The following COL4A6 variants were observed in gnomAD, a reference collection of about 807,000 sequenced individuals.
COL4A6 encodes the protein collagen type IV alpha 6 chain, also known as collagen alpha-6(IV) chain.
A neutral mutation model predicts 126.7 loss-of-function variants in COL4A6; 59 were observed. The ratio of observed to expected loss-of-function variants is 0.47; its 90% CI spans 0.38 to 0.58. COL4A6 has a LOEUF of 0.58. Ranked by LOEUF, COL4A6 falls within the 20% of genes least tolerant of loss-of-function variation. COL4A6 has a pLI of 0.00. For missense variants in COL4A6, 1,285 were observed against 1,337.3 expected, an observed-to-expected ratio of 0.96 and a Z score of 0.61; for synonymous variants, 547 against 496.6, an observed-to-expected ratio of 1.10 and a Z score of -1.35.
At chrX:108,264,957 C>A (rs2037261123) in intron 3 of COL4A6, among the ~76,000 whole-genome samples, 2 of 112,018 alleles carry the variant, frequency 1.8e-5, no homozygotes, top group Non-Finnish European at 3.8e-5. Flanking sequence ...CTGTGTGACA[C>A]TGAGCAAATT....
At chrX:108,332,120 C>T (rs989959117) in intron 2 of COL4A6, among the ~76,000 whole-genome samples, 1 of 111,412 alleles carries the variant, frequency 9.0e-6, no homozygotes, top group Non-Finnish European at 1.9e-5. Context: ...CTTTCTATTT[C>T]TTAGTCATTT....
chrX:108,390,941 G>C (rs1271678603), intron 2 of COL4A6, among the ~76,000 whole-genome samples: 2 of 111,373 alleles, frequency 1.8e-5, no homozygotes, highest in Admixed American at 9.6e-5. Context: ...ATTCCTTTCT[G>C]TTTGTTAGTT....
intron 3 of COL4A6, among the ~76,000 whole-genome samples, chrX:108,222,979 C>G (rs181830830): frequency 1.8e-5 from 2 of 111,816 alleles, no homozygotes; most frequent in Admixed American, 1.9e-4. Context: ...AGGTCGAAAG[C>G]ATGGGCCTAC....
chrX:108,438,761 GC>G (rs2064322381), upstream of COL4A6, among the ~76,000 whole-genome samples: 1 of 112,789 alleles, frequency 8.9e-6, no homozygotes, highest in Admixed American at 9.3e-5. Flanking sequence ...AGTACACTAG[GC>G]TATTGGGAAG....
chrX:108,375,767 A>G (rs1227953176), intron 2 of COL4A6, among the ~76,000 whole-genome samples: 2 of 109,734 alleles, frequency 1.8e-5, no homozygotes, highest in Non-Finnish European at 3.8e-5. Context: ...CGTTTTGATA[A>G]ACACAAAGTC....
At chrX:108,179,196 A>T in intron 26 of COL4A6, 21 bp downstream of exon 26, 1 of 1,180,910 alleles carries the variant, frequency 8.5e-7, no homozygotes, top group Non-Finnish European at 1.1e-6. Context: ...ATTGTTAAAT[A>T]ATTGGGGCAA....
chrX:108,268,584 C>T lies in COL4A6; in HGVS notation c.144+42164G>A, dbSNP rs889445593. On this transcript the variant is annotated intron_variant, in intron 3 of 44. Coordinates refer to ENST00000334504, the MANE Select transcript of COL4A6 (RefSeq NM_033641.4). ...GGCAAAACAGTCATGAGTCATAGCACGTGGTGTCACACTGCCAGCTGCCTC... is the reference window on the plus strand; with the variant it reads ...GGCAAAACAGTCATGAGTCATAGCATGTGGTGTCACACTGCCAGCTGCCTC... 8.7e-5 allele frequency: 10 copies of T among 114,871 alleles called. No individual in the cohort carries two copies. The Admixed American group carries it at 9.1e-4, about 10-fold the overall frequency. 9.5% of individuals were successfully genotyped at this position (114,871 alleles called of 1,213,427 possible). A position where few individuals can be genotyped will look rare whatever the true frequency, so the allele number is the denominator to read the frequency against.
chrX:108,387,438 T>G (rs966762942), intron 2 of COL4A6, among the ~76,000 whole-genome samples: 3 of 111,546 alleles, frequency 2.7e-5, no homozygotes, highest in Admixed American at 9.5e-5. Context: ...CATATCCCTT[T>G]TAAGTTGGAT....
chrX:108,277,400 C>T (rs1333157939), intron 3 of COL4A6, among the ~76,000 whole-genome samples: 1 of 112,310 alleles, frequency 8.9e-6, no homozygotes, highest in African/African-American at 3.2e-5. Flanking sequence ...GCAGAGCAGT[C>T]TGTGATCAAA....
intron 2 of COL4A6, among the ~76,000 whole-genome samples, chrX:108,368,653 CACTT>C (rs1453694572): frequency 3.6e-5 from 4 of 111,856 alleles, no homozygotes; most frequent in African/African-American, 1.3e-4. Flanking sequence ...TTTATAGTAA[CACTT>C]AGCTTAAAAC....
intron 5 of COL4A6, among the ~76,000 whole-genome samples, chrX:108,217,526 G>T (rs1009126731): frequency 9.0e-6 from 1 of 110,900 alleles, no homozygotes; most frequent in African/African-American, 3.3e-5. Flanking sequence ...CTTCTGAGAG[G>T]AACGGAAGAT....
rs138912003 is a variant in COL4A6 at position 108,187,716 on chromosome X, C to T, written c.1767+132G>A. 2.2e-3 allele frequency: 1,250 copies of T among 578,122 alleles called. 16 individuals are homozygous for T. The East Asian group carries it at 0.037, about 17-fold the overall frequency. 47.6% of individuals were successfully genotyped at this position (578,122 alleles called of 1,213,427 possible). A position where few individuals can be genotyped will look rare whatever the true frequency, so the allele number is the denominator to read the frequency against. On this transcript the variant is annotated intron_variant, in intron 22 of 44. Transcript: ENST00000334504. The stretch of plus-strand genomic sequence containing the variant: ...AGGAAAAGCAAAAAGCAAAAAGTTT[C>T]AGTGGCAGAGGCAGGGCAAGGTCCT...
chrX:108,402,928 G>A (rs58939867), intron 2 of COL4A6, among the ~76,000 whole-genome samples: 6,953 of 110,706 alleles, frequency 0.063, 513 homozygotes, highest in African/African-American at 0.2. Context: ...TGGATATAGT[G>A]TTCTATAAAC....
chrX:108,319,018 T>C (rs1199352040), intron 2 of COL4A6, among the ~76,000 whole-genome samples: 1 of 112,552 alleles, frequency 8.9e-6, no homozygotes, highest in Non-Finnish European at 1.9e-5. Context: ...CCTAACAACA[T>C]GGAGAGTAGG....
At chrX:108,205,324 T>C in intron 11 of COL4A6, 115 bp downstream of exon 11, 2 of 618,095 alleles carry the variant, frequency 3.2e-6, no homozygotes, top group Non-Finnish European at 5.4e-6. Context: ...TTGGGAAATA[T>C]TCATTTCCCA....
intron 2 of COL4A6, among the ~76,000 whole-genome samples, chrX:108,432,611 G>C (rs1435972086): frequency 9.0e-6 from 1 of 111,458 alleles, no homozygotes; most frequent in African/African-American, 3.3e-5. Context: ...CGAGGCGGGT[G>C]GATCACCTGA....
At chrX:108,203,834 T>C (rs983242202) in intron 12 of COL4A6, among the ~76,000 whole-genome samples, 6 of 112,235 alleles carry the variant, frequency 5.3e-5, no homozygotes, top group African/African-American at 1.9e-4. Context: ...GGGCATCTCT[T>C]GTCACCACTT....
chrX:108,156,729 G>C lies in COL4A6; in HGVS notation c.*271C>G. ...CAGTTGTGGCCCATCAAATCTTTCT[G>C]AGGTAGCCATGAATAGTCACACAAT... is the stretch of plus-strand genomic sequence containing the variant. On this transcript the variant is annotated 3_prime_UTR_variant, in exon 45 of 45. Coordinates refer to ENST00000334504, the MANE Select transcript of COL4A6 (RefSeq NM_033641.4). 5.1e-6 allele frequency: 2 copies of C among 389,544 alleles called. No homozygotes were observed. Among genetic ancestry groups the C allele is most frequent in the South Asian group, 1.0e-4 (2 of 20,074 alleles). The allele number at this position is 389,544 out of a possible 1,213,427, so 32.1% of individuals were successfully genotyped here.
chrX:108,333,232 G>A, intron 2 of COL4A6, among the ~76,000 whole-genome samples: 1 of 111,202 alleles, frequency 9.0e-6, no homozygotes, highest in East Asian at 2.8e-4. Flanking sequence ...GATCAAGTGG[G>A]TTTTATTCCA....
Sources: gnomAD v4.1 joint callset for allele counts (sites outside exome capture counted in the v4.1 genomes callset) on GRCh38, gnomAD v4.1.1 for gene constraint, MANE v1.5 for transcripts, NCBI Gene and HGNC (gene_info 2026-07-23, HGNC 2026-07-21) for gene names.